AHSG: variants seen among roughly 807,000 people sequenced by gnomAD.
AHSG encodes the protein alpha-2-HS-glycoprotein.
AHSG carries 23 observed loss-of-function variants against 30.1 expected under a neutral mutation model. The ratio of observed to expected loss-of-function variants is 0.76; its 90% confidence interval spans 0.55 to 1.08. AHSG has a LOEUF of 1.08. Ranked by LOEUF, AHSG falls within the 50% of genes least tolerant of loss-of-function variation. AHSG has a pLI of 0.00. For synonymous variants in AHSG, 164 were observed against 186.3 expected (o/e 0.88, Z 0.98); for missense variants, 469 against 459.5 (o/e 1.02, Z -0.19).
At chr3:186,614,966 A>G (rs112558328) in intron 1 of AHSG, among the ~76,000 whole-genome samples, 1 of 151,982 alleles carries the variant, frequency 6.6e-6, no homozygotes, top group African/African-American at 2.4e-5. Context: ...GATTGTTGCA[A>G]GCTCCCTCGT....
chr3:186,620,618 C>T lies in AHSG; in HGVS notation c.792C>T (p.Ala264=). ...GCTCACAGCCCCAACCAGAAGGTGC[C>T]AATGAAGCAGTCCCCACACCCGTGG... ...PVSSQPQPEG[A]NEAVPTPVVD... Residue 264 remains alanine (A), a synonymous_variant, in exon 7 of 7, where the codon GCC becomes GCT. Coordinates refer to ENST00000411641, the MANE Select transcript of AHSG (RefSeq NM_001622.4). The T allele has an allele frequency of 1.2e-6, 2 of 1,608,112 alleles. No homozygotes were observed. The highest frequency in any genetic ancestry group is 8.5e-7 in the Non-Finnish European group (1 of 1,175,050).
rs775075435 is a variant in AHSG at position 186,620,572 on chromosome 3, G to C, written c.760-14G>C. On this transcript the variant is annotated splice_polypyrimidine_tract_variant and intron_variant, in intron 6 of 6. Coordinates refer to ENST00000411641, the MANE Select transcript of AHSG (RefSeq NM_001622.4). ...AGGAAGCAAACTAACTGAAGGAAATGGTCCTTTTTCCAGCCCGTGAGCTCA... is the reference window on the plus strand; with the variant it reads ...AGGAAGCAAACTAACTGAAGGAAATCGTCCTTTTTCCAGCCCGTGAGCTCA... 2 of 1,577,918 alleles carry C rather than the reference G, an allele frequency of 1.3e-6. No homozygotes were observed. The highest frequency in any genetic ancestry group is 2.7e-5 in the African/African-American group (2 of 74,240).
At chr3:186,614,820 T>C (rs1716247247) in intron 1 of AHSG, among the ~76,000 whole-genome samples, 1 of 152,156 alleles carries the variant, frequency 6.6e-6, no homozygotes, top group South Asian at 2.1e-4. Flanking sequence ...CTTCAGGTAC[T>C]AGTGAATCAG....
At chr3:186,620,010 A>G (rs548479632) in intron 6 of AHSG, 70 bp downstream of exon 6, 2 of 1,172,330 alleles carry the variant, frequency 1.7e-6, no homozygotes, top group African/African-American at 3.1e-5. Context: ...TATGCAGTGC[A>G]GTAGTGATGA....
At chr3:186,616,398 G>A (rs1274733858) in intron 2 of AHSG, 45 bp from the exon 3 acceptor site, 1 of 1,540,654 alleles carries the variant, frequency 6.5e-7, no homozygotes, top group East Asian at 2.3e-5. Flanking sequence ...TGCCCGGGGT[G>A]CGAAGGGGAA....
rs1294403686 is a variant in AHSG at position 186,617,234 on chromosome 3, G to T, written c.457G>T (p.Ala153Ser). 6.2e-7 allele frequency: 1 copy of T among 1,614,066 alleles called. No individual in the cohort carries two copies. Among genetic ancestry groups the T allele is most frequent in the Admixed American group, 1.7e-5 (1 of 60,030 alleles). ...GGTGTGCCAAGACTGCCCCCTGCTG[G>T]CCCCGCTGAACGACACCAGGGTGGT... The part of the protein sequence containing the change: ...RKVCQDCPLL[A>S]PLNDTRVVHA... The change falls in exon 4 of 7, where the codon GCC (alanine) becomes TCC (serine). Residue 153 changes from alanine to serine, a missense_variant. Physicochemically the swap from Ala to Ser is moderately conservative, Grantham distance 99. Transcript: ENST00000411641.
At position 186,613,082 on chromosome 3, in the gene AHSG, T is replaced by C. The variant is rs544894910; in HGVS notation, c.-60T>C. On this transcript the variant is annotated 5_prime_UTR_variant, in exon 1 of 7. Coordinates refer to ENST00000411641, the MANE Select transcript of AHSG (RefSeq NM_001622.4). ...GGTCTACCTTTCCCAGCAGAGCACC[T>C]GGGTTGGTCCCGAAGCCTCCAACCA... is the stretch of plus-strand genomic sequence containing the variant. The C allele has an allele frequency of 1.7e-4, 249 of 1,500,186 alleles. No individual in the cohort carries two copies. Among genetic ancestry groups the C allele is most frequent in the Middle Eastern group, 5.1e-4 (3 of 5,858 alleles). 92.9% of individuals were successfully genotyped at this position (1,500,186 alleles called of 1,614,324 possible).
At chr3:186,616,836 C>T (rs1293926502) in intron 3 of AHSG, among the ~76,000 whole-genome samples, 1 of 152,166 alleles carries the variant, frequency 6.6e-6, no homozygotes, top group African/African-American at 2.4e-5. Context: ...GTGGTGCTCG[C>T]CTGTAATCCC....
Position 186,615,795 on chromosome 3 carries a change from T to C in AHSG, c.324T>C (p.His108=), listed in dbSNP as rs568116304. Residue 108 remains histidine (H), a splice_region_variant and synonymous_variant, in exon 2 of 7, where the codon CAT becomes CAC. Transcript: ENST00000411641. ...ARCSVRQLKE[H]AVEGDCDFQL... ...GCAGCGTGAGGCAGCTGAAGGAGCA[T>C]GTGAGTACCCTTCTTAGGATGACTG... The C allele has an allele frequency of 6.2e-7, 1 of 1,613,736 alleles. No homozygotes were observed. Among genetic ancestry groups the C allele is most frequent in the Non-Finnish European group, 8.5e-7 (1 of 1,179,594 alleles).
chr3:186,615,597 T>G lies in AHSG; in HGVS notation c.214-88T>G, dbSNP rs73061425. The G allele has an allele frequency of 7.5e-3, 7,678 of 1,030,486 alleles. 347 individuals carry two copies. In the African/African-American group the frequency reaches 0.11, roughly 14 times the overall value. The allele number at this position is 1,030,486 out of a possible 1,614,324, so 63.8% of individuals were successfully genotyped here. A position where few individuals can be genotyped will look rare whatever the true frequency, so the allele number is the denominator to read the frequency against. The stretch of plus-strand genomic sequence containing the variant: ...CCTCACCTCTCCAAAAGCGGGGTGC[T>G]CTCAAGCCCAATGAGGGCGCATACC... On this transcript the variant is annotated intron_variant, in intron 1 of 6. Coordinates refer to ENST00000411641, the MANE Select transcript of AHSG (RefSeq NM_001622.4).
intron 1 of AHSG, among the ~76,000 whole-genome samples, chr3:186,615,012 G>A (rs538754598): frequency 3.3e-5 from 5 of 152,176 alleles, no homozygotes; most frequent in Non-Finnish European, 7.3e-5. Context: ...CTGTCAGAGG[G>A]AGACATGCCC....
At chr3:186,616,737 A>G (rs1716316035) in intron 3 of AHSG, among the ~76,000 whole-genome samples, 1 of 152,200 alleles carries the variant, frequency 6.6e-6, no homozygotes, top group African/African-American at 2.4e-5. Flanking sequence ...CACCCACCCG[A>G]GGCAGGTGGA....
chr3:186,614,723 G>C (rs1412716170), intron 1 of AHSG, among the ~76,000 whole-genome samples: 3 of 152,234 alleles, frequency 2.0e-5, no homozygotes, highest in East Asian at 1.9e-4. Flanking sequence ...CTGTTCGCCA[G>C]AGCTGTGAAC....
chr3:186,614,490 G>C (rs1716236580), intron 1 of AHSG, among the ~76,000 whole-genome samples: 1 of 152,186 alleles, frequency 6.6e-6, no homozygotes, highest in Admixed American at 6.5e-5. Flanking sequence ...CTCACAAAGA[G>C]ACAAAATATT....
intron 5 of AHSG, 58 bp from the exon 6 acceptor site, chr3:186,619,799 A>C (rs1716420561): frequency 1.4e-6 from 2 of 1,438,142 alleles, no homozygotes; most frequent in Non-Finnish European, 1.9e-6. Context: ...CGTCAATGAA[A>C]TTGGGGGGGA....
At chr3:186,618,719 T>C (rs1335978613) in intron 5 of AHSG, 82 bp downstream of exon 5, 1 of 1,546,446 alleles carries the variant, frequency 6.5e-7, no homozygotes, top group East Asian at 2.4e-5. Context: ...GTTTGTATCT[T>C]GGGGCTGCAG....
intron 1 of AHSG, among the ~76,000 whole-genome samples, chr3:186,613,837 G>T (rs1327508379): frequency 6.6e-6 from 1 of 152,062 alleles, no homozygotes; most frequent in African/African-American, 2.4e-5. Flanking sequence ...GCCTCCTGGT[G>T]CTGTGTGGTA....
chr3:186,617,398 CG>C, intron 4 of AHSG, 48 bp downstream of exon 4: 1 of 1,613,858 alleles, frequency 6.2e-7, no homozygotes, highest in Non-Finnish European at 8.5e-7. Context: ...GGTGGCACTT[CG>C]GGAATGTACT....
chr3:186,615,858 C>T (rs1716288300), intron 2 of AHSG, 63 bp downstream of exon 2: 2 of 1,442,190 alleles, frequency 1.4e-6, no homozygotes, highest in Non-Finnish European at 1.9e-6. Context: ...ATTCACCCAG[C>T]GTCTCAGCCT....
Sources: gnomAD v4.1 joint callset for allele counts (sites outside exome capture counted in the v4.1 genomes callset) on GRCh38, gnomAD v4.1.1 for gene constraint, MANE v1.5 for transcripts, NCBI Gene and HGNC (gene_info 2026-07-23, HGNC 2026-07-21) for gene names.